Variants in SEPTIN9 observed in about 807,000 individuals in gnomAD.
The protein encoded by SEPTIN9 is septin-9.
SEPTIN9 carries 13 observed loss-of-function variants against 56.6 expected under a neutral mutation model. The observed-to-expected ratio is 0.23, with a 90% confidence interval of 0.15 to 0.37. The LOEUF (loss-of-function observed/expected upper bound fraction) is 0.37. SEPTIN9 is among the 10% of genes least tolerant of loss of function. SEPTIN9 has a pLI of 1.00. For missense variants in SEPTIN9, 650 were observed against 823.1 expected (o/e 0.79, Z 2.57); for synonymous variants, 332 against 334.1 (o/e 0.99, Z 0.07).
At chr17:77,353,180 G>C (rs551602555) in intron 2 of SEPTIN9, among the ~76,000 whole-genome samples, 9 of 152,254 alleles carry the variant, frequency 5.9e-5, no homozygotes, top group African/African-American at 2.2e-4. Context: ...GGTGGGTGAG[G>C]GGCCCAGGAG....
chr17:77,311,809 G>A (rs921186879), intron 2 of SEPTIN9, among the ~76,000 whole-genome samples: 6 of 152,188 alleles, frequency 3.9e-5, no homozygotes, highest in Non-Finnish European at 5.9e-5. Flanking sequence ...AGTGTGCCAC[G>A]TGGAGGGAGC....
intron 2 of SEPTIN9, among the ~76,000 whole-genome samples, chr17:77,362,917 G>A (rs1774875124): frequency 6.6e-6 from 1 of 152,248 alleles, no homozygotes. Context: ...AGGCCAGGGA[G>A]GGTGTGAGGG....
chr17:77,440,683 G>A (rs2037514392), intron 3 of SEPTIN9, among the ~76,000 whole-genome samples: 1 of 152,250 alleles, frequency 6.6e-6, no homozygotes, highest in Admixed American at 6.5e-5. Flanking sequence ...GGTGACGCGT[G>A]ATCATCCGCT....
chr17:77,488,172 G>A lies in SEPTIN9; in HGVS notation c.1043-68G>A, dbSNP rs2039875241. ...CCTACCTGGGGTTGCCCCGGGGTCA[G>A]TCAGGTGTGGGGTGTCTGTGAGGGT... On this transcript the variant is annotated intron_variant, in intron 5 of 11. Coordinates refer to ENST00000427177, the MANE Select transcript of SEPTIN9 (RefSeq NM_001113491.2). 4.7e-6 allele frequency: 7 copies of A among 1,485,840 alleles called. No homozygotes were observed. The African/African-American group carries it at 6.9e-5, about 15-fold the overall frequency. 92.0% of individuals were successfully genotyped at this position (1,485,840 alleles called of 1,614,324 possible).
chr17:77,481,898 G>C, intron 3 of SEPTIN9: 1 of 571,770 alleles, frequency 1.7e-6, no homozygotes, highest in Non-Finnish European at 3.1e-6. Flanking sequence ...GCCTGGCCTT[G>C]GGAGTCTGGG....
chr17:77,332,984 C>T (rs2033420699), intron 2 of SEPTIN9, among the ~76,000 whole-genome samples: 1 of 152,302 alleles, frequency 6.6e-6, no homozygotes, highest in South Asian at 2.1e-4. Flanking sequence ...TCTGTAGAAA[C>T]ACCTAGAGTA....
intron 2 of SEPTIN9, among the ~76,000 whole-genome samples, chr17:77,333,797 C>T (rs1243472013): frequency 6.6e-6 from 1 of 151,352 alleles, no homozygotes; most frequent in Non-Finnish European, 1.5e-5. Flanking sequence ...TTCAGTTGTT[C>T]CAAACTTCAT....
intron 2 of SEPTIN9, chr17:77,377,160 G>GT (rs2034959535): frequency 6.6e-6 from 1 of 152,184 alleles, no homozygotes; most frequent in African/African-American, 2.4e-5. Context: ...CAAGGAGAAT[G>GT]TTTTGTATTT....
At chr17:77,306,280 G>C (rs2032260465) in intron 1 of SEPTIN9, among the ~76,000 whole-genome samples, 1 of 152,210 alleles carries the variant, frequency 6.6e-6, no homozygotes, top group Non-Finnish European at 1.5e-5. Context: ...GGACTGGGCT[G>C]GTTATGTGTC....
chr17:77,370,130 GT>G (rs1360969322), intron 2 of SEPTIN9, among the ~76,000 whole-genome samples: 1 of 152,228 alleles, frequency 6.6e-6, no homozygotes, highest in Non-Finnish European at 1.5e-5. Context: ...TAAGGCACGA[GT>G]TTCTCCTGGC....
chr17:77,303,683 A>AAGT (rs1279997959), intron 1 of SEPTIN9, among the ~76,000 whole-genome samples: 2 of 149,678 alleles, frequency 1.3e-5, no homozygotes, highest in South Asian at 2.2e-4. Context: ...TCCATCTCAA[A>AAGT]AGTAGTAATA....
At chr17:77,353,224 G>A (rs1208779427) in intron 2 of SEPTIN9, among the ~76,000 whole-genome samples, 1 of 152,172 alleles carries the variant, frequency 6.6e-6, no homozygotes, top group East Asian at 1.9e-4. Flanking sequence ...TTGTGTTCAC[G>A]TCAGAGATTC....
chr17:77,376,283 G>A, intron 2 of SEPTIN9: 1 of 986,044 alleles, frequency 1.0e-6, no homozygotes, highest in Non-Finnish European at 1.2e-6. Flanking sequence ...CCCGCCGGGA[G>A]TGCAGCTGGT....
At chr17:77,392,972 A>G (rs2035593093) in intron 2 of SEPTIN9, among the ~76,000 whole-genome samples, 1 of 151,698 alleles carries the variant, frequency 6.6e-6, no homozygotes. Flanking sequence ...CCATCACCCC[A>G]ACTGTGTCCT....
At position 77,456,116 on chromosome 17, in the gene SEPTIN9, A is replaced by T. The variant is rs1020735936; in HGVS notation, c.722-26028A>T. Among the ~76,000 whole-genome samples, 7 of 145,072 alleles carry T rather than the reference A, an allele frequency of 4.8e-5. No individual in the cohort carries two copies. In the South Asian group the frequency reaches 6.9e-4, roughly 14 times the overall value. On this transcript the variant is annotated intron_variant, in intron 3 of 11. Transcript: ENST00000427177. The surrounding 1 kb of genome is among the most constrained non-coding windows in gnomAD (Gnocchi z 6.0). ...CTGCCCGTGGCCGGTGTCATCTGCC[A>T]GCCCTGAAGACTAATGATGGGCTGG...
intron 1 of SEPTIN9, among the ~76,000 whole-genome samples, chr17:77,298,726 G>T (rs752284102): frequency 1.3e-5 from 2 of 152,186 alleles, no homozygotes; most frequent in Non-Finnish European, 2.9e-5. Flanking sequence ...CTGCCTTTCT[G>T]CATCTCATTG....
chr17:77,483,466 G>T (rs753114061), intron 4 of SEPTIN9: 6 of 152,510 alleles, frequency 3.9e-5, no homozygotes, highest in Non-Finnish European at 5.9e-5. Context: ...TGTTGTGGGG[G>T]ACGTGCTTGT....
chr17:77,354,152 T>G (rs2034148362), intron 2 of SEPTIN9, among the ~76,000 whole-genome samples: 1 of 152,234 alleles, frequency 6.6e-6, no homozygotes, highest in Non-Finnish European at 1.5e-5. Context: ...AGCAAATCTG[T>G]CGCTCTTGTT....
intron 2 of SEPTIN9, among the ~76,000 whole-genome samples, chr17:77,388,810 C>CT (rs5822196): frequency 0.032 from 2,520 of 77,980 alleles, 128 homozygotes; most frequent in East Asian, 0.14. Context: ...GTGTTAGGCG[C>CT]TTTTTTTTTT....
Sources: allele counts gnomAD v4.1 joint callset (sites outside exome capture counted in the v4.1 genomes callset), GRCh38; gene constraint gnomAD v4.1.1; non-coding constraint Gnocchi (gnomAD v3.1); transcripts MANE v1.5; gene names NCBI Gene and HGNC (gene_info 2026-07-23, HGNC 2026-07-21).